Variants in ABLIM2 observed in about 807,000 individuals in gnomAD.
ABLIM2 encodes actin binding LIM protein family member 2.
ABLIM2 carries 53 observed loss-of-function variants against 97.7 expected under a neutral mutation model. That is an observed-to-expected ratio of 0.54 (90% CI 0.44 to 0.68). ABLIM2 has a LOEUF of 0.68. Among genes scored for constraint, ABLIM2 ranks in the 30% least tolerant of loss-of-function variants. ABLIM2 has a pLI of 0.00. For missense variants in ABLIM2, 835 were observed against 867.2 expected (o/e 0.96, Z 0.47); for synonymous variants, 361 against 345.8 (o/e 1.04, Z -0.49).
At chr4:8,119,684 T>C (rs1844402238) in intron 1 of ABLIM2, among the ~76,000 whole-genome samples, 1 of 152,194 alleles carries the variant, frequency 6.6e-6, no homozygotes, top group South Asian at 2.1e-4. Context: ...TCCATTTTCT[T>C]GATACTTTGC....
rs550015688 is a variant in ABLIM2 at position 8,158,798 on chromosome 4, C to A, written c.-109G>T. ...TCCGCCCGCCCGCCGGCTCCGCGCCCGCTCCTTGCGCACACGCCAGGCAGC... is the reference window on the plus strand; with the variant it reads ...TCCGCCCGCCCGCCGGCTCCGCGCCAGCTCCTTGCGCACACGCCAGGCAGC... On this transcript the variant is annotated 5_prime_UTR_variant, in exon 1 of 21. Transcript: ENST00000447017. 142 of 1,019,854 alleles carry A rather than the reference C, an allele frequency of 1.4e-4. 1 individual carries two copies. In the East Asian group the frequency reaches 3.0e-3, roughly 21 times the overall value. 63.2% of individuals were successfully genotyped at this position (1,019,854 alleles called of 1,614,324 possible).
rs975011658 is a variant in ABLIM2 at position 8,087,774 on chromosome 4, G to C, written c.454+395C>G. On this transcript the variant is annotated intron_variant, in intron 4 of 20. Coordinates refer to ENST00000447017, the MANE Select transcript of ABLIM2 (RefSeq NM_001130083.2). The surrounding 1 kb of genome is among the most constrained non-coding windows in gnomAD (Gnocchi z 4.6). ...GGCATTAGATGGGAAAGCAGCAGTG[G>C]GCATTAGATGGGAAAGCAGGAGTGG... Among the ~76,000 whole-genome samples, 1 of 152,122 alleles carries C rather than the reference G, an allele frequency of 6.6e-6. No individual in the cohort carries two copies. Among genetic ancestry groups the C allele is most frequent in the African/African-American group, 2.4e-5 (1 of 41,402 alleles).
At chr4:8,143,807 C>T (rs745432971) in intron 1 of ABLIM2, among the ~76,000 whole-genome samples, 2 of 152,190 alleles carry the variant, frequency 1.3e-5, no homozygotes, top group Non-Finnish European at 2.9e-5. Flanking sequence ...CCTGCCAAGC[C>T]TGTGGATGCT....
intron 12 of ABLIM2, among the ~76,000 whole-genome samples, chr4:8,025,300 A>T (rs1465939381): frequency 6.6e-6 from 1 of 152,192 alleles, no homozygotes; most frequent in Non-Finnish European, 1.5e-5. Flanking sequence ...TGGGCATCAA[A>T]GAGGCAAAAA....
intron 3 of ABLIM2, among the ~76,000 whole-genome samples, chr4:8,094,984 C>CTT (rs1561364509): frequency 6.5e-5 from 8 of 122,238 alleles, no homozygotes; most frequent in African/African-American, 1.4e-4. Flanking sequence ...CCCTTTCTTT[C>CTT]TCTTTCTTTT....
rs1758893573 is a variant in ABLIM2 at position 8,003,631 on chromosome 4, T to C, written c.1618+4428A>G. On this transcript the variant is annotated intron_variant, in intron 16 of 20. Coordinates refer to ENST00000447017, the MANE Select transcript of ABLIM2 (RefSeq NM_001130083.2). The surrounding 1 kb of genome is among the most constrained non-coding windows in gnomAD (Gnocchi z 4.2). The stretch of plus-strand genomic sequence containing the variant: ...CCCAGGCTGGAGTGCAATGGTGCAA[T>C]CTCGGCTTACTGCAACCTCTGCCTC... Among the ~76,000 whole-genome samples, 1 of 145,796 alleles carries C rather than the reference T, an allele frequency of 6.9e-6. No homozygotes were observed. The highest frequency in any genetic ancestry group is 1.5e-5 in the Non-Finnish European group (1 of 66,724).
chr4:8,023,524 A>ATG lies in ABLIM2; in HGVS notation c.1268-3222_1268-3221insCA, dbSNP rs1320652753. 1.2e-4 allele frequency among the ~76,000 whole-genome samples: 19 copies of ATG among 152,316 alleles called. No homozygotes were observed. Among genetic ancestry groups the ATG allele is most frequent in the African/African-American group, 4.6e-4 (19 of 41,578 alleles). On this transcript the variant is annotated intron_variant, in intron 12 of 20. Coordinates refer to ENST00000447017, the MANE Select transcript of ABLIM2 (RefSeq NM_001130083.2). This position sits in a 1 kb window ranked among gnomAD's most constrained non-coding sequence, Gnocchi z 5.7. Reference sequence around the variant, plus strand: ...GCACCTGCTGTCAGCAGAGCGGATCACTGGCCGTGGCGGCCTTGCTGACCG... The same window carrying ATG: ...GCACCTGCTGTCAGCAGAGCGGATCATGCTGGCCGTGGCGGCCTTGCTGACCG...
intron 20 of ABLIM2, among the ~76,000 whole-genome samples, chr4:7,968,863 G>T (rs116330214): frequency 1.6e-4 from 24 of 152,164 alleles, no homozygotes; most frequent in Admixed American, 1.6e-3. Context: ...AAAATGGGCC[G>T]GGGGTGGCAG....
chr4:8,023,594 C>T lies in ABLIM2; in HGVS notation c.1268-3291G>A, dbSNP rs1775417824. Among the ~76,000 whole-genome samples, 1 of 152,158 alleles carries T rather than the reference C, an allele frequency of 6.6e-6. No individual in the cohort carries two copies. On this transcript the variant is annotated intron_variant, in intron 12 of 20. Coordinates refer to ENST00000447017, the MANE Select transcript of ABLIM2 (RefSeq NM_001130083.2). The surrounding 1 kb of genome is among the most constrained non-coding windows in gnomAD (Gnocchi z 5.7). The stretch of plus-strand genomic sequence containing the variant: ...GGTGGCCTGCTCCACGGTGGACTTG[C>T]TCCTTCTCTCCCCTCCCACATGGCG...
intron 4 of ABLIM2, among the ~76,000 whole-genome samples, chr4:8,084,124 GTGAT>G (rs1343280253): frequency 6.6e-6 from 1 of 152,240 alleles, no homozygotes; most frequent in African/African-American, 2.4e-5. Flanking sequence ...AAACTTGAGA[GTGAT>G]TGAAAATCCA....
rs761747422 is a variant in ABLIM2, at chr4:7,967,055, C to T, written c.1873G>A (p.Glu625Lys). 2.4e-5 allele frequency: 38 copies of T among 1,613,750 alleles called. No individual in the cohort carries two copies. Among genetic ancestry groups the T allele is most frequent in the Non-Finnish European group, 3.0e-5 (35 of 1,179,952 alleles). Residue 625 changes from glutamate (E) to lysine (K), a missense_variant, in exon 21 of 21, where the codon GAG (glutamate) becomes AAG (lysine). Glu to Lys is a moderately conservative substitution (Grantham distance 56). Coordinates refer to ENST00000447017, the MANE Select transcript of ABLIM2 (RefSeq NM_001130083.2). ...CAGAGGGCCAGGCGGTCAAACTCCTCGATGCTCATCCCAAACACTTCCTGG... is the reference window on the plus strand; with the variant it reads ...CAGAGGGCCAGGCGGTCAAACTCCTTGATGCTCATCCCAAACACTTCCTGG... Reference protein sequence around the residue: ...EFQEVFGMSIEEFDRLALWKR... With the variant: ...EFQEVFGMSIKEFDRLALWKR...
chr4:8,013,219 C>CTTTTTTT (rs60424207), intron 14 of ABLIM2, among the ~76,000 whole-genome samples: 5 of 110,618 alleles, frequency 4.5e-5, no homozygotes, highest in Admixed American at 1.0e-4. Context: ...AACATTTTTC[C>CTTTTTTT]TTTTTTTTTT....
intron 14 of ABLIM2, among the ~76,000 whole-genome samples, chr4:8,018,269 T>G (rs946513860): frequency 2.6e-5 from 4 of 152,244 alleles, no homozygotes; most frequent in African/African-American, 9.6e-5. Flanking sequence ...CCCAATCTTG[T>G]AGCCCCACCA....
intron 3 of ABLIM2, among the ~76,000 whole-genome samples, chr4:8,096,305 G>A (rs1195360449): frequency 6.6e-6 from 1 of 152,218 alleles, no homozygotes; most frequent in African/African-American, 2.4e-5. Flanking sequence ...AGGGCTGTCT[G>A]TTATTATTTT....
intron 9 of ABLIM2, among the ~76,000 whole-genome samples, chr4:8,039,824 G>A (rs1786978858): frequency 1.3e-5 from 2 of 151,048 alleles, no homozygotes; most frequent in African/African-American, 4.9e-5. Context: ...CAGGGCCACT[G>A]TGGCTGGCAG....
rs1482073335 is a variant in ABLIM2 at position 8,067,201 on chromosome 4, C to A, written c.676-6147G>T. 1 of 152,284 alleles carries A rather than the reference C, an allele frequency of 6.6e-6. No individual in the cohort carries two copies. Among genetic ancestry groups the A allele is most frequent in the Admixed American group, 6.5e-5 (1 of 15,282 alleles). The allele number at this position is 152,284 out of a possible 1,614,324, so 9.4% of individuals were successfully genotyped here. On this transcript the variant is annotated intron_variant, in intron 6 of 20. Transcript: ENST00000447017. This position sits in a 1 kb window ranked among gnomAD's most constrained non-coding sequence, Gnocchi z 5.4. ...CATGGGCCATGGGGACAATCGGGGA[C>A]ATTTGTGGCTGAGCCCCTGCAGGTC...
intron 9 of ABLIM2, among the ~76,000 whole-genome samples, chr4:8,037,340 G>GCA (rs10670906): frequency 0.51 from 72,389 of 140,836 alleles, 18,360 homozygotes; most frequent in African/African-American, 0.69. Flanking sequence ...ACACATGCAG[G>GCA]CACACACACA....
Position 8,032,817 on chromosome 4 carries a change from T to G in ABLIM2, c.1048-3041A>C. ...GATCCTCCAGACAGGAAAAGAACTC[T>G]ACCCCGAGAGACACAAGTCAGGGTT... On this transcript the variant is annotated intron_variant, in intron 10 of 20. Transcript: ENST00000447017. The surrounding 1 kb of genome is among the most constrained non-coding windows in gnomAD (Gnocchi z 4.3). 2.3e-6 allele frequency: 2 copies of G among 854,570 alleles called. No individual in the cohort carries two copies. The highest frequency in any genetic ancestry group is 3.8e-6 in the Non-Finnish European group (2 of 525,546). The allele number at this position is 854,570 out of a possible 1,614,324, so 52.9% of individuals were successfully genotyped here.
In ABLIM2 at chr4:8,124,140, C is replaced by T. The variant is rs1322473785; in HGVS notation, c.11-17503G>A. ...TATGACATCACAACCTAGAATAATT[C>T]ATCTATCTTCTCATAAGGCAGCACC... On this transcript the variant is annotated intron_variant, in intron 1 of 20. Coordinates refer to ENST00000447017, the MANE Select transcript of ABLIM2 (RefSeq NM_001130083.2). The surrounding 1 kb of genome is among the most constrained non-coding windows in gnomAD (Gnocchi z 6.1). Among the ~76,000 whole-genome samples the T allele has an allele frequency of 6.6e-6, 1 of 152,158 alleles. No homozygotes were observed. Among genetic ancestry groups the T allele is most frequent in the African/African-American group, 2.4e-5 (1 of 41,432 alleles).
Sources: allele counts gnomAD v4.1 joint callset (sites outside exome capture counted in the v4.1 genomes callset), GRCh38; gene constraint gnomAD v4.1.1; non-coding constraint Gnocchi (gnomAD v3.1); transcripts MANE v1.5; gene names NCBI Gene and HGNC (gene_info 2026-07-23, HGNC 2026-07-21).